STPG4: variants seen among roughly 807,000 people sequenced by gnomAD.
The protein encoded by STPG4 is sperm-tail PG-rich repeat containing 4, also known as protein STPG4.
In STPG4, 41 loss-of-function variants were observed where a neutral mutation model predicts 31.5. The observed-to-expected ratio is 1.30, with a 90% CI of 1.01 to 1.69. The LOEUF (loss-of-function observed/expected upper bound fraction) is 1.69. Among genes scored for constraint, STPG4 ranks in the 40% most tolerant of loss-of-function variants. The pLI, the probability that STPG4 is intolerant of heterozygous loss-of-function variation, is 0.00. For synonymous variants in STPG4, 141 were observed against 103.0 expected (o/e 1.37, Z -2.24); for missense variants, 375 against 293.4 (o/e 1.28, Z -2.03).
At chr2:47,117,098 C>A (rs1686167648) in intron 5 of STPG4, among the ~76,000 whole-genome samples, 1 of 152,158 alleles carries the variant, frequency 6.6e-6, no homozygotes, top group African/African-American at 2.4e-5. Flanking sequence ...TTCACCCATG[C>A]CCTCTTCTCC....
Position 47,103,466 on chromosome 2 carries a change from G to A in STPG4, c.520-13092C>T, listed in dbSNP as rs375973857. Among the ~76,000 whole-genome samples the A allele has an allele frequency of 1.6e-4, 25 of 151,988 alleles. No individual in the cohort carries two copies. The East Asian group carries it at 2.1e-3, about 13-fold the overall frequency. ...GGCAACCTTGGTGTTCTATAAGAGGGACCAAGAGGAACAGGCCCAAAAGGA... is the reference window on the plus strand; with the variant it reads ...GGCAACCTTGGTGTTCTATAAGAGGAACCAAGAGGAACAGGCCCAAAAGGA... On this transcript the variant is annotated intron_variant, in intron 5 of 6. Coordinates refer to ENST00000445927, the MANE Select transcript of STPG4 (RefSeq NM_001163561.2).
chr2:47,102,370 T>C (rs12988680), intron 5 of STPG4, among the ~76,000 whole-genome samples: 8,428 of 151,800 alleles, frequency 0.056, 432 homozygotes, highest in African/African-American at 0.11. Context: ...ATTTGACCCA[T>C]AAACCCTGAA....
At chr2:47,094,205 C>T (rs1685627580) in intron 5 of STPG4, among the ~76,000 whole-genome samples, 1 of 152,200 alleles carries the variant, frequency 6.6e-6, no homozygotes, top group South Asian at 2.1e-4. Flanking sequence ...ATCAAATGGG[C>T]CATTTCTTAA....
intron 5 of STPG4, among the ~76,000 whole-genome samples, chr2:47,093,012 C>T (rs35445042): frequency 0.39 from 58,737 of 152,024 alleles, 12,746 homozygotes; most frequent in Middle Eastern, 0.53. Context: ...AGGCTGGTCT[C>T]GAACTCCTGA....
chr2:47,123,015 G>A (rs1243855887), intron 5 of STPG4, among the ~76,000 whole-genome samples: 4 of 151,824 alleles, frequency 2.6e-5, no homozygotes, highest in Admixed American at 6.6e-5. Flanking sequence ...TAGTAGAGAC[G>A]GGGTTTCACC....
At chr2:47,096,013 A>T (rs2347604) in intron 5 of STPG4, among the ~76,000 whole-genome samples, 1 of 151,594 alleles carries the variant, frequency 6.6e-6, no homozygotes, top group Non-Finnish European at 1.5e-5. Flanking sequence ...AGTTACCACA[A>T]AAGCCCTAAA....
intron 5 of STPG4, among the ~76,000 whole-genome samples, chr2:47,110,877 T>A (rs12620639): frequency 0.23 from 35,714 of 152,132 alleles, 4,360 homozygotes; most frequent in Admixed American, 0.31. Flanking sequence ...GGTGGATACA[T>A]AATATTCTTT....
intron 5 of STPG4, among the ~76,000 whole-genome samples, chr2:47,097,988 G>C (rs1034852397): frequency 4.7e-5 from 7 of 150,440 alleles, no homozygotes; most frequent in African/African-American, 1.7e-4. Flanking sequence ...TGAGGGACCT[G>C]AAATTCAACT....
At chr2:47,106,841 A>G (rs185230871) in intron 5 of STPG4, among the ~76,000 whole-genome samples, 2 of 151,710 alleles carry the variant, frequency 1.3e-5, no homozygotes, top group Non-Finnish European at 2.9e-5. Context: ...CTTCTTATCA[A>G]ATTTGTTTCC....
At chr2:47,090,118 G>C (rs1398795708) in intron 6 of STPG4, among the ~76,000 whole-genome samples, 152 bp downstream of exon 6, 1 of 152,144 alleles carries the variant, frequency 6.6e-6, no homozygotes, top group Non-Finnish European at 1.5e-5. Context: ...TGATTGCCTT[G>C]ACAGGCAACT....
intron 5 of STPG4, among the ~76,000 whole-genome samples, chr2:47,125,610 T>G (rs111436017): frequency 6.6e-6 from 1 of 152,232 alleles, no homozygotes; most frequent in African/African-American, 2.4e-5. Flanking sequence ...ACATTTTTGC[T>G]TTGGTTGCCT....
At chr2:47,142,455 G>T (rs1230012984) in intron 3 of STPG4, among the ~76,000 whole-genome samples, 2 of 151,922 alleles carry the variant, frequency 1.3e-5, no homozygotes, top group African/African-American at 4.8e-5. Context: ...ATAAATAAGA[G>T]AATTTTTTTA....
chr2:47,091,060 G>A (rs1368865676), intron 5 of STPG4, among the ~76,000 whole-genome samples: 1 of 150,072 alleles, frequency 6.7e-6, no homozygotes, highest in East Asian at 2.0e-4. Context: ...GGGGTGAGGG[G>A]AAGGGGGTTC....
At chr2:47,138,678 T>A (rs1686646694) in intron 3 of STPG4, among the ~76,000 whole-genome samples, 2 of 152,144 alleles carry the variant, frequency 1.3e-5, no homozygotes, top group African/African-American at 4.8e-5. Context: ...GCCTCCCAAG[T>A]AGCTGGGATT....
intron 3 of STPG4, 87 bp from the exon 4 acceptor site, chr2:47,130,347 G>C (rs961317477): frequency 1.6e-5 from 17 of 1,081,970 alleles, no homozygotes; most frequent in Non-Finnish European, 2.1e-5. Context: ...TTTATTTTAT[G>C]ACCATACAAC....
intron 5 of STPG4, among the ~76,000 whole-genome samples, chr2:47,115,896 C>T (rs1055150113): frequency 5.3e-5 from 8 of 152,136 alleles, no homozygotes; most frequent in African/African-American, 1.9e-4. Flanking sequence ...TCAGGCAATC[C>T]ACCTGCCTCG....
intron 5 of STPG4, among the ~76,000 whole-genome samples, chr2:47,116,696 GA>G (rs1686160171): frequency 6.6e-6 from 1 of 152,166 alleles, no homozygotes; most frequent in South Asian, 2.1e-4. Context: ...GCATGGCGGA[GA>G]AGGGGAGAGA....
intron 5 of STPG4, 125 bp downstream of exon 5, chr2:47,129,816 T>G: frequency 8.4e-7 from 1 of 1,189,676 alleles, no homozygotes; most frequent in Non-Finnish European, 1.2e-6. Flanking sequence ...GTGTGGATAA[T>G]GGTGTTCCTG....
intron 3 of STPG4, among the ~76,000 whole-genome samples, chr2:47,131,089 C>T (rs1686471531): frequency 6.6e-6 from 1 of 152,050 alleles, no homozygotes; most frequent in African/African-American, 2.4e-5. Flanking sequence ...GCTGGGATTA[C>T]AGGTGTGAGC....
Sources: allele counts gnomAD v4.1 joint callset (sites outside exome capture counted in the v4.1 genomes callset), GRCh38; gene constraint gnomAD v4.1.1; transcripts MANE v1.5; gene names NCBI Gene and HGNC (gene_info 2026-07-23, HGNC 2026-07-21).